Variants in MDGA2 observed in about 807,000 individuals in gnomAD.
MDGA2 encodes MAM domain containing glycosylphosphatidylinositol anchor 2.
Under a neutral mutation model 117.8 loss-of-function variants are expected in MDGA2, and 40 were observed. The ratio of observed to expected loss-of-function variants is 0.34; its 90% CI spans 0.26 to 0.44. The LOEUF (loss-of-function observed/expected upper bound fraction) is 0.44. Ranked by LOEUF, MDGA2 falls within the 20% of genes least tolerant of loss-of-function variation. The pLI is 1.00. For missense variants in MDGA2, 1,123 were observed against 1,250.6 expected, an observed-to-expected ratio of 0.90 and a Z score of 1.54; for synonymous variants, 452 against 439.0, an observed-to-expected ratio of 1.03 and a Z score of -0.37.
chr14:47,628,967 C>T (rs78899340), intron 1 of MDGA2, among the ~76,000 whole-genome samples: 6,843 of 152,290 alleles, frequency 0.045, 143 homozygotes, highest in Middle Eastern at 0.068. Flanking sequence ...CCATGGAGTA[C>T]ACAGAGGCTG....
rs910292570 is a variant in MDGA2 at position 46,840,872 on chromosome 14, T to C, written c.*1059A>G. ...CATGTCTGGTCTCAATGGAAGTGAT[T>C]TTCTAATGGACAATAAGCCGAAAGG... On this transcript the variant is annotated 3_prime_UTR_variant, in exon 17 of 17. Transcript: ENST00000399232. The C allele has an allele frequency of 1.3e-5, 2 of 152,596 alleles. No individual in the cohort carries two copies. Among genetic ancestry groups the C allele is most frequent in the East Asian group, 3.9e-4 (2 of 5,192 alleles). 9.5% of individuals were successfully genotyped at this position (152,596 alleles called of 1,614,324 possible).
chr14:47,457,956 T>A (rs1052690959), intron 1 of MDGA2, among the ~76,000 whole-genome samples: 18 of 152,008 alleles, frequency 1.2e-4, no homozygotes, highest in African/African-American at 4.3e-4. Flanking sequence ...AGTGCTCATT[T>A]TTATGCAATT....
chr14:47,090,482 A>G (rs1879588466), intron 6 of MDGA2, among the ~76,000 whole-genome samples: 1 of 152,182 alleles, frequency 6.6e-6, no homozygotes, highest in Non-Finnish European at 1.5e-5. Context: ...CATGGGTTCA[A>G]AAATGGAAAA....
intron 1 of MDGA2, among the ~76,000 whole-genome samples, chr14:47,500,147 C>T (rs1008428094): frequency 9.2e-5 from 14 of 152,082 alleles, no homozygotes; most frequent in South Asian, 4.1e-4. Flanking sequence ...CCCTTCAATT[C>T]GGTCAAAACT....
intron 1 of MDGA2, among the ~76,000 whole-genome samples, chr14:47,521,076 C>CT (rs1391369986): frequency 6.6e-6 from 1 of 152,154 alleles, no homozygotes; most frequent in Non-Finnish European, 1.5e-5. Flanking sequence ...ATAACTTCCA[C>CT]TTTGAAGGCA....
chr14:47,675,275 T>C lies in MDGA2; in HGVS notation c.-479A>G, dbSNP rs1473102302. On this transcript the variant is annotated 5_prime_UTR_variant, in exon 1 of 17. Coordinates refer to ENST00000399232, the MANE Select transcript of MDGA2 (RefSeq NM_001113498.3). ...TCAGTTGCCATTGCAACGCCAATCC[T>C]GTTACACGATACAGACTCGCATCGC... 2.0e-5 allele frequency among the ~76,000 whole-genome samples: 3 copies of C among 151,540 alleles called. No homozygotes were observed.
intron 8 of MDGA2, among the ~76,000 whole-genome samples, chr14:46,964,461 G>GGGACA (rs1279045427): frequency 6.6e-6 from 1 of 152,130 alleles, no homozygotes; most frequent in East Asian, 1.9e-4. Flanking sequence ...CATAGTTTAA[G>GGGACA]GGACAGTCTA....
At chr14:47,218,976 C>T (rs1886201162) in intron 2 of MDGA2, among the ~76,000 whole-genome samples, 1 of 152,032 alleles carries the variant, frequency 6.6e-6, no homozygotes, top group South Asian at 2.1e-4. Flanking sequence ...TTCAACTCAA[C>T]TTTTGTGTAT....
intron 15 of MDGA2, among the ~76,000 whole-genome samples, chr14:46,847,806 T>C: frequency 6.6e-6 from 1 of 152,134 alleles, no homozygotes; most frequent in East Asian, 1.9e-4. Flanking sequence ...CAAATAATTA[T>C]TATTCATACT....
chr14:47,215,974 T>G (rs1024312627), intron 3 of MDGA2, among the ~76,000 whole-genome samples: 1 of 151,926 alleles, frequency 6.6e-6, no homozygotes, highest in Non-Finnish European at 1.5e-5. Context: ...TCAGGCGTGG[T>G]TGAATGGAAG....
intron 1 of MDGA2, among the ~76,000 whole-genome samples, chr14:47,616,649 ACAACTGAAATCT>A (rs1896953091): frequency 6.6e-6 from 1 of 152,186 alleles, no homozygotes; most frequent in Non-Finnish European, 1.5e-5. Context: ...CACAAAAGGG[ACAACTGAAATCT>A]CACTAATTTC....
intron 1 of MDGA2, among the ~76,000 whole-genome samples, chr14:47,554,633 A>G (rs1449340178): frequency 6.6e-6 from 1 of 152,138 alleles, no homozygotes; most frequent in Non-Finnish European, 1.5e-5. Context: ...GAGTTGATCC[A>G]ATTTCCTAAT....
At chr14:47,070,625 T>C (rs894714473) in intron 6 of MDGA2, among the ~76,000 whole-genome samples, 1 of 152,108 alleles carries the variant, frequency 6.6e-6, no homozygotes, top group African/African-American at 2.4e-5. Flanking sequence ...TTATTTATTT[T>C]TACATAGTCT....
chr14:47,474,220 C>G (rs956038745), intron 1 of MDGA2, among the ~76,000 whole-genome samples: 5 of 152,084 alleles, frequency 3.3e-5, no homozygotes, highest in Non-Finnish European at 5.9e-5. Flanking sequence ...CATAAATAAA[C>G]TCCAATTCTA....
At chr14:47,613,188 A>G (rs890352977) in intron 1 of MDGA2, among the ~76,000 whole-genome samples, 1 of 152,156 alleles carries the variant, frequency 6.6e-6, no homozygotes, top group African/African-American at 2.4e-5. Flanking sequence ...TAGGGTATAA[A>G]TAATTTCCCT....
At chr14:47,627,940 A>G (rs1291321317) in intron 1 of MDGA2, among the ~76,000 whole-genome samples, 4 of 152,252 alleles carry the variant, frequency 2.6e-5, no homozygotes, top group African/African-American at 4.8e-5. Flanking sequence ...AACTCCGGAC[A>G]CGCCACCTTT....
chr14:47,361,803 A>T (rs1891132432), intron 1 of MDGA2, among the ~76,000 whole-genome samples: 1 of 152,164 alleles, frequency 6.6e-6, no homozygotes. Context: ...GCAGTTTATG[A>T]GAAAGTTTTC....
chr14:47,189,671 T>A (rs1885039911), intron 3 of MDGA2, among the ~76,000 whole-genome samples: 1 of 152,148 alleles, frequency 6.6e-6, no homozygotes, highest in Non-Finnish European at 1.5e-5. Context: ...AAAAGTTTAA[T>A]CCCATAATTG....
At chr14:47,358,477 C>T (rs1191500228) in intron 1 of MDGA2, among the ~76,000 whole-genome samples, 3 of 152,068 alleles carry the variant, frequency 2.0e-5, no homozygotes, top group African/African-American at 7.2e-5. Context: ...AGCGATCAGA[C>T]GGTAAAAAGA....
Sources: gnomAD v4.1 joint callset for allele counts (sites outside exome capture counted in the v4.1 genomes callset) on GRCh38, gnomAD v4.1.1 for gene constraint, MANE v1.5 for transcripts, NCBI Gene and HGNC (gene_info 2026-07-23, HGNC 2026-07-21) for gene names.